LOC128092253: variants seen among roughly 807,000 people sequenced by gnomAD.
chr6:133,970,858 A>T, the LOC128092253 span, among the ~76,000 whole-genome samples: 1 of 152,118 alleles, frequency 6.6e-6, no homozygotes. Context: ...CATATTATAC[A>T]TATTTATGAG....
the LOC128092253 span, among the ~76,000 whole-genome samples, chr6:133,978,307 T>C: frequency 3.9e-5 from 6 of 152,360 alleles, no homozygotes; most frequent in African/African-American, 1.4e-4. Flanking sequence ...ATATATATGC[T>C]AAGTACTTTT....
At chr6:133,957,614 C>A in the LOC128092253 span, among the ~76,000 whole-genome samples, 1 of 152,168 alleles carries the variant, frequency 6.6e-6, no homozygotes, top group East Asian at 1.9e-4. Context: ...GTTACGTTTT[C>A]TTGAGATTGG....
At chr6:133,955,853 A>G in the LOC128092253 span, among the ~76,000 whole-genome samples, 10 of 152,348 alleles carry the variant, frequency 6.6e-5, no homozygotes, top group African/African-American at 1.9e-4. Flanking sequence ...TGAGGGAACT[A>G]CTTATAGTAA....
chr6:133,978,454 C>T, the LOC128092253 span, among the ~76,000 whole-genome samples: 1 of 152,140 alleles, frequency 6.6e-6, no homozygotes, highest in African/African-American at 2.4e-5. Context: ...TCAGACATTG[C>T]ACGTGCTTAA....
At chr6:133,954,790 T>C in the LOC128092253 span, among the ~76,000 whole-genome samples, 3 of 152,196 alleles carry the variant, frequency 2.0e-5, no homozygotes, top group Non-Finnish European at 4.4e-5. Context: ...CCCAGCCTCC[T>C]CTTTACGTAC....
chr6:133,953,796 G>A, the LOC128092253 span, among the ~76,000 whole-genome samples: 12 of 152,076 alleles, frequency 7.9e-5, no homozygotes, highest in Admixed American at 2.6e-4. Flanking sequence ...ATCTGTCTCG[G>A]AGCCATCACC....
At chr6:133,962,263 A>G in the LOC128092253 span, among the ~76,000 whole-genome samples, 2 of 152,172 alleles carry the variant, frequency 1.3e-5, no homozygotes, top group African/African-American at 4.8e-5. Context: ...GCTTCTTCAG[A>G]TAGGGAGACA....
chr6:133,973,640 T>C, the LOC128092253 span, among the ~76,000 whole-genome samples: 1 of 152,224 alleles, frequency 6.6e-6, no homozygotes, highest in African/African-American at 2.4e-5. Context: ...TGAATACCAC[T>C]AGAAAGAGGA....
chr6:133,966,142 C>A, the LOC128092253 span, among the ~76,000 whole-genome samples: 2 of 151,922 alleles, frequency 1.3e-5, no homozygotes, highest in South Asian at 2.1e-4. Context: ...TGTAAGTAAA[C>A]ATTGCTTTTT....
At chr6:133,961,695 A>C in the LOC128092253 span, among the ~76,000 whole-genome samples, 1 of 151,640 alleles carries the variant, frequency 6.6e-6, no homozygotes, top group Non-Finnish European at 1.5e-5. Context: ...TGAATCCCTG[A>C]CCTCGTGATC....
the LOC128092253 span, among the ~76,000 whole-genome samples, chr6:133,955,458 G>T: frequency 6.6e-6 from 1 of 151,430 alleles, no homozygotes; most frequent in Non-Finnish European, 1.5e-5. Context: ...TGTGTCCTTC[G>T]CCTGCATGTG....
the LOC128092253 span, among the ~76,000 whole-genome samples, chr6:133,963,764 C>T: frequency 6.6e-6 from 1 of 151,364 alleles, no homozygotes; most frequent in South Asian, 2.1e-4. Flanking sequence ...GGCGCGGTGG[C>T]TCACGCCTGT....
chr6:133,979,377 T>C, the LOC128092253 span, among the ~76,000 whole-genome samples: 2 of 152,236 alleles, frequency 1.3e-5, no homozygotes, highest in East Asian at 3.9e-4. Flanking sequence ...GCAAGTTGCA[T>C]GAGAAGGGTT....
the LOC128092253 span, among the ~76,000 whole-genome samples, chr6:133,972,229 C>T: frequency 2.0e-5 from 3 of 152,198 alleles, no homozygotes; most frequent in African/African-American, 7.2e-5. Context: ...TACATAACCA[C>T]TCTATTTTCT....
At chr6:133,970,894 A>C in the LOC128092253 span, among the ~76,000 whole-genome samples, 1 of 152,116 alleles carries the variant, frequency 6.6e-6, no homozygotes, top group Admixed American at 6.5e-5. Context: ...ATAGTGATCA[A>C]ATCAGGGTAG....
At chr6:133,958,781 T>C in the LOC128092253 span, among the ~76,000 whole-genome samples, 4 of 152,114 alleles carry the variant, frequency 2.6e-5, no homozygotes, top group Non-Finnish European at 5.9e-5. Flanking sequence ...ATATAAAATA[T>C]ATTATTAAAA....
the LOC128092253 span, among the ~76,000 whole-genome samples, chr6:133,974,760 T>C: frequency 6.6e-6 from 1 of 152,358 alleles, no homozygotes; most frequent in South Asian, 2.1e-4. Flanking sequence ...GAACACAGAT[T>C]TACTCACACT....
the LOC128092253 span, among the ~76,000 whole-genome samples, chr6:133,957,070 T>C: frequency 6.6e-6 from 1 of 152,176 alleles, no homozygotes; most frequent in Non-Finnish European, 1.5e-5. Context: ...ACATCAGAAA[T>C]TCTACTTGTC....
chr6:133,968,534 T>C, the LOC128092253 span, among the ~76,000 whole-genome samples: 1,744 of 152,288 alleles, frequency 0.011, 29 homozygotes, highest in African/African-American at 0.038. Flanking sequence ...ATTTGTGAGT[T>C]TTTTTATTCT....
Sources: gnomAD v4.1 joint callset for allele counts (sites outside exome capture counted in the v4.1 genomes callset) on GRCh38, gnomAD v4.1.1 for gene constraint, MANE v1.5 for transcripts.